The following WASL variants were observed in gnomAD, a reference collection of about 807,000 sequenced individuals.
The protein encoded by WASL is actin nucleation-promoting factor WASL.
A neutral mutation model predicts 55.5 loss-of-function variants in WASL; 20 were observed. The observed-to-expected ratio is 0.36, with a 90% CI of 0.25 to 0.52. WASL has a LOEUF of 0.52. Among genes scored for constraint, WASL ranks in the 20% least tolerant of loss-of-function variants. The pLI, the probability that WASL is intolerant of heterozygous loss-of-function variation, is 0.92. For missense variants in WASL, 504 were observed against 622.5 expected, an observed-to-expected ratio of 0.81 and a Z score of 2.03; for synonymous variants, 249 against 217.6, an observed-to-expected ratio of 1.14 and a Z score of -1.27.
intron 7 of WASL, 29 bp downstream of exon 7, chr7:123,695,794 T>C (rs756376487): frequency 2.5e-6 from 4 of 1,608,432 alleles, no homozygotes; most frequent in East Asian, 2.2e-5. Flanking sequence ...CATACAGTTA[T>C]AACGTATATG....
At chr7:123,700,187 AAAAAAAAAAAAAAAAAAAAAC>A (rs1421747124) in intron 5 of WASL, among the ~76,000 whole-genome samples, 5 of 78,772 alleles carry the variant, frequency 6.3e-5, no homozygotes, top group East Asian at 7.4e-4. Flanking sequence ...AAAAAAAAAA[AAAAAAAAAAAAAAAAAAAAAC>A]AACATTATTT....
At chr7:123,706,154 T>C (rs1803666154) in intron 4 of WASL, 123 bp downstream of exon 4, 2 of 917,532 alleles carry the variant, frequency 2.2e-6, no homozygotes, top group South Asian at 1.9e-5. Context: ...AAAGACAACA[T>C]GTAAACCAAT....
At chr7:123,697,117 A>C (rs1451368527) in intron 5 of WASL, among the ~76,000 whole-genome samples, 2 of 149,650 alleles carry the variant, frequency 1.3e-5, no homozygotes, top group African/African-American at 4.8e-5. Context: ...AACAAGGATA[A>C]AGAAAGTAAA....
intron 8 of WASL, among the ~76,000 whole-genome samples, chr7:123,694,037 G>T (rs911176539): frequency 6.6e-6 from 1 of 152,184 alleles, no homozygotes. Flanking sequence ...TTCTTCAGAA[G>T]AATGTTTTAA....
intron 4 of WASL, 151 bp from the exon 5 acceptor site, chr7:123,704,808 C>CAA (rs1803642599): frequency 2.1e-6 from 1 of 470,122 alleles, no homozygotes; most frequent in Non-Finnish European, 3.8e-6. Context: ...AAGTAGAGAT[C>CAA]TAAATAAAAT....
At chr7:123,694,642 GT>G (rs35280100) in intron 8 of WASL, 72 bp downstream of exon 8, 728,526 of 1,537,714 alleles carry the variant, frequency 0.47, 175,127 homozygotes, top group South Asian at 0.66. Flanking sequence ...ATGTATGAAT[GT>G]TAACTGGTTT....
chr7:123,714,363 CAA>C (rs989955389), intron 1 of WASL, among the ~76,000 whole-genome samples: 18 of 151,972 alleles, frequency 1.2e-4, no homozygotes, highest in African/African-American at 4.3e-4. Flanking sequence ...AAAGAGAAAA[CAA>C]ACAAAAACAG....
chr7:123,739,897 TG>T (rs1562967195), intron 1 of WASL, among the ~76,000 whole-genome samples: 1 of 55,480 alleles, frequency 1.8e-5, no homozygotes, highest in Non-Finnish European at 3.2e-5. Flanking sequence ...TGTGTGTGTG[TG>T]TGTGTGTGTG....
intron 10 of WASL, among the ~76,000 whole-genome samples, chr7:123,686,113 T>C (rs1803283995): frequency 6.6e-6 from 1 of 151,466 alleles, no homozygotes; most frequent in African/African-American, 2.4e-5. Flanking sequence ...GTATTAGAAC[T>C]TGAAAATTAA....
At chr7:123,731,173 C>T (rs1464320560) in intron 1 of WASL, among the ~76,000 whole-genome samples, 1 of 152,046 alleles carries the variant, frequency 6.6e-6, no homozygotes, top group African/African-American at 2.4e-5. Context: ...CACATATATA[C>T]ATACATACAT....
chr7:123,700,175 CAAAAAAAAAAAAAAAAAAAAAAA>C (rs1168168286), intron 5 of WASL, among the ~76,000 whole-genome samples: 2 of 47,320 alleles, frequency 4.2e-5, no homozygotes, highest in African/African-American at 1.5e-4. Context: ...AACTCCGTCT[CAAAAAAAAAAAAAAAAAAAAAAA>C]AAAAAAAAAC....
rs1319381108 is a variant in WASL, at chr7:123,683,565, G to GT, written c.*953dup. 6.6e-6 allele frequency: 1 copy of GT among 150,986 alleles called. No homozygotes were observed. 9.4% of individuals were successfully genotyped at this position (150,986 alleles called of 1,614,324 possible). The stretch of plus-strand genomic sequence containing the variant: ...CAACTAGATTACATTTTTATGGTTG[G>GT]TATTTCTGAACACCTCAATCCACAC... On this transcript the variant is annotated 3_prime_UTR_variant, in exon 11 of 11. Transcript: ENST00000223023.
intron 8 of WASL, among the ~76,000 whole-genome samples, chr7:123,694,139 T>C (rs1358194006): frequency 1.3e-5 from 2 of 152,164 alleles, no homozygotes; most frequent in African/African-American, 2.4e-5. Flanking sequence ...AAGAGATGAC[T>C]GTTAATTGGA....
intron 1 of WASL, among the ~76,000 whole-genome samples, chr7:123,710,429 A>G (rs1803736504): frequency 6.6e-6 from 1 of 152,090 alleles, no homozygotes; most frequent in African/African-American, 2.4e-5. Flanking sequence ...CTACATTAAG[A>G]TTTGAAGATA....
chr7:123,710,730 C>T (rs1449149460), intron 1 of WASL, among the ~76,000 whole-genome samples: 1 of 152,004 alleles, frequency 6.6e-6, no homozygotes, highest in Non-Finnish European at 1.5e-5. Context: ...ATTATGATAA[C>T]TTAAAAACAA....
intron 1 of WASL, among the ~76,000 whole-genome samples, chr7:123,743,833 T>C (rs1804387821): frequency 6.6e-6 from 1 of 152,194 alleles, no homozygotes; most frequent in African/African-American, 2.4e-5. Flanking sequence ...GTATTATATA[T>C]ATAGAGCTAA....
chr7:123,703,896 C>T (rs1803627186), intron 5 of WASL, among the ~76,000 whole-genome samples: 1 of 152,046 alleles, frequency 6.6e-6, no homozygotes, highest in African/African-American at 2.4e-5. Flanking sequence ...AGTCAGGAAC[C>T]TCATTTAAAT....
chr7:123,743,515 T>C (rs1009850596), intron 1 of WASL, among the ~76,000 whole-genome samples: 4 of 152,166 alleles, frequency 2.6e-5, no homozygotes, highest in Admixed American at 1.3e-4. Flanking sequence ...AGCTGCTCCT[T>C]AACTTTTAAT....
chr7:123,720,368 A>G (rs1246847109), intron 1 of WASL: 2 of 434,658 alleles, frequency 4.6e-6, no homozygotes, highest in African/African-American at 2.1e-5. Context: ...AAAAGTTGTT[A>G]TTCAAGTAAT....
Sources: allele counts gnomAD v4.1 joint callset (sites outside exome capture counted in the v4.1 genomes callset), GRCh38; gene constraint gnomAD v4.1.1; transcripts MANE v1.5; gene names NCBI Gene and HGNC (gene_info 2026-07-23, HGNC 2026-07-21).